Variants in EPB41L5 observed in about 807,000 individuals in gnomAD.
EPB41L5 encodes the protein erythrocyte membrane protein band 4.1 like 5.
EPB41L5 carries 55 observed loss-of-function variants against 106.6 expected under a neutral mutation model. The observed-to-expected ratio is 0.52, with a 90% CI of 0.42 to 0.65. EPB41L5 has a LOEUF of 0.65. Among genes scored for constraint, EPB41L5 ranks in the 30% least tolerant of loss-of-function variants. The pLI is 0.00. For synonymous variants in EPB41L5, 297 were observed against 306.7 expected (o/e 0.97, Z 0.33); for missense variants, 871 against 882.1 (o/e 0.99, Z 0.16).
chr2:120,085,872 A>G (rs954173017), intron 10 of EPB41L5, among the ~76,000 whole-genome samples: 24 of 152,126 alleles, frequency 1.6e-4, no homozygotes, highest in African/African-American at 5.8e-4. Flanking sequence ...CTGCCTTTTT[A>G]TAAGGTTGTC....
intron 3 of EPB41L5, among the ~76,000 whole-genome samples, chr2:120,042,864 G>A (rs1325384508): frequency 6.6e-6 from 1 of 152,108 alleles, no homozygotes; most frequent in East Asian, 1.9e-4. Context: ...GGAATGGGGA[G>A]AGATTGAAGT....
chr2:120,026,277 T>G (rs1485585482), intron 2 of EPB41L5, among the ~76,000 whole-genome samples: 1 of 152,238 alleles, frequency 6.6e-6, no homozygotes, highest in Non-Finnish European at 1.5e-5. Flanking sequence ...AATGATCAAA[T>G]CATGGTACAT....
intron 17 of EPB41L5, among the ~76,000 whole-genome samples, chr2:120,128,984 C>T (rs1685574823): frequency 6.6e-6 from 1 of 152,048 alleles, no homozygotes; most frequent in South Asian, 2.1e-4. Context: ...TATGTGGGAG[C>T]TACACAGGGA....
intron 10 of EPB41L5, among the ~76,000 whole-genome samples, chr2:120,079,092 G>C (rs1338881859): frequency 1.3e-5 from 2 of 152,104 alleles, no homozygotes; most frequent in Admixed American, 6.6e-5. Flanking sequence ...GAGTCCATCA[G>C]ATTTTGTCTG....
At chr2:120,047,772 C>T (rs1574525684) in intron 3 of EPB41L5, among the ~76,000 whole-genome samples, 1 of 152,316 alleles carries the variant, frequency 6.6e-6, no homozygotes, top group South Asian at 2.1e-4. Flanking sequence ...AGTTTTTGCC[C>T]ATTCAGTGTG....
chr2:120,154,415 T>G (rs976666261), intron 20 of EPB41L5, among the ~76,000 whole-genome samples: 2 of 151,872 alleles, frequency 1.3e-5, no homozygotes, highest in African/African-American at 4.8e-5. Flanking sequence ...TCTGCCCGCC[T>G]CAGCCTCCCA....
chr2:120,054,906 G>C (rs1349355970), intron 3 of EPB41L5, among the ~76,000 whole-genome samples: 2 of 100,592 alleles, frequency 2.0e-5, no homozygotes, highest in East Asian at 5.4e-4. Flanking sequence ...CACTTTTGTT[G>C]CCCAGGCTGG....
chr2:120,079,902 T>A (rs1427429261), intron 10 of EPB41L5, among the ~76,000 whole-genome samples: 1 of 152,102 alleles, frequency 6.6e-6, no homozygotes, highest in African/African-American at 2.4e-5. Context: ...TCCTGCGTGG[T>A]CCTCCCATGG....
chr2:120,089,161 G>T (rs1002483439), intron 11 of EPB41L5, among the ~76,000 whole-genome samples: 2 of 152,014 alleles, frequency 1.3e-5, no homozygotes, highest in Non-Finnish European at 2.9e-5. Context: ...TGTCTTAATA[G>T]TGTCTTTAAA....
intron 2 of EPB41L5, among the ~76,000 whole-genome samples, chr2:120,031,052 A>G (rs1401707537): frequency 6.6e-6 from 1 of 151,982 alleles, no homozygotes; most frequent in Non-Finnish European, 1.5e-5. Context: ...AATTTTTAGT[A>G]GAGACAGGGT....
chr2:120,104,459 A>C, intron 16 of EPB41L5: 1 of 1,301,408 alleles, frequency 7.7e-7, no homozygotes, highest in Non-Finnish European at 9.8e-7. Context: ...TTTGTGTTGA[A>C]AAGAGTGTGT....
intron 18 of EPB41L5, among the ~76,000 whole-genome samples, chr2:120,134,111 T>C (rs1288037794): frequency 6.6e-6 from 1 of 151,946 alleles, no homozygotes; most frequent in African/African-American, 2.4e-5. Flanking sequence ...GTACTTGTCA[T>C]AGGCCTTGGG....
chr2:120,094,061 A>G lies in EPB41L5; in HGVS notation c.1178+785A>G, dbSNP rs74636770. 5.4e-3 allele frequency among the ~76,000 whole-genome samples: 818 copies of G among 152,200 alleles called. 5 individuals carry two copies. The highest frequency in any genetic ancestry group is 0.019 in the African/African-American group (781 of 41,536). ...CAGCAGCTTGAGCATGGCTTGGCTC[A>G]CTGCAGCCTCTCCCTCCTAGGCTCA... On this transcript the variant is annotated intron_variant, in intron 14 of 24. Coordinates refer to ENST00000263713, the MANE Select transcript of EPB41L5 (RefSeq NM_020909.4).
Position 120,163,980 on chromosome 2 carries a change from CTTTT to C in EPB41L5, c.1888-839_1888-836del, listed in dbSNP as rs70949387. 4.4e-5 allele frequency among the ~76,000 whole-genome samples: 3 copies of C among 68,140 alleles called. 1 individual carries two copies. Among genetic ancestry groups the C allele is most frequent in the Non-Finnish European group, 8.1e-5 (3 of 36,848 alleles). The allele number at this position is 68,140 out of a possible 152,430, so 44.7% of individuals were successfully genotyped here. A position where few individuals can be genotyped will look rare whatever the true frequency, so the allele number is the denominator to read the frequency against. On this transcript the variant is annotated intron_variant, in intron 21 of 24. Coordinates refer to ENST00000263713, the MANE Select transcript of EPB41L5 (RefSeq NM_020909.4). The stretch of plus-strand genomic sequence containing the variant: ...ACTTTTTTTTATTTTTTTGTATTTA[CTTTT>C]TTTTTTTTTTTTTTTTGAGATGGAG...
intron 3 of EPB41L5, among the ~76,000 whole-genome samples, chr2:120,047,068 G>T (rs1420415148): frequency 6.6e-6 from 1 of 152,160 alleles, no homozygotes; most frequent in Non-Finnish European, 1.5e-5. Context: ...CTGTAGCCTT[G>T]TAGTATGGTA....
intron 19 of EPB41L5, among the ~76,000 whole-genome samples, chr2:120,145,696 C>T (rs1347924125): frequency 6.6e-6 from 1 of 152,082 alleles, no homozygotes; most frequent in Non-Finnish European, 1.5e-5. Flanking sequence ...TGTAATCCCA[C>T]CACCTTGGGA....
chr2:120,139,598 C>G (rs535590656), intron 18 of EPB41L5, among the ~76,000 whole-genome samples: 2 of 152,178 alleles, frequency 1.3e-5, no homozygotes, highest in East Asian at 1.9e-4. Flanking sequence ...CACTGATCAT[C>G]AGAGAAATGC....
At chr2:120,082,151 A>C (rs1000973014) in intron 10 of EPB41L5, among the ~76,000 whole-genome samples, 5 of 152,136 alleles carry the variant, frequency 3.3e-5, no homozygotes, top group African/African-American at 7.2e-5. Context: ...ACTATGTTGA[A>C]TAGGAGTGGT....
intron 2 of EPB41L5, among the ~76,000 whole-genome samples, chr2:120,020,829 AG>A (rs56280102): frequency 0.86 from 128,374 of 149,688 alleles, 55,225 homozygotes; most frequent in East Asian, 0.96. Context: ...AAAAAAAAAA[AG>A]AGGTTTTTAA....
Sources: gnomAD v4.1 joint callset for allele counts (sites outside exome capture counted in the v4.1 genomes callset) on GRCh38, gnomAD v4.1.1 for gene constraint, MANE v1.5 for transcripts, NCBI Gene and HGNC (gene_info 2026-07-23, HGNC 2026-07-21) for gene names.